Variants in NRXN2 observed in about 807,000 individuals in gnomAD.
NRXN2 encodes neurexin 2.
A neutral mutation model predicts 128.8 loss-of-function variants in NRXN2; 29 were observed. That is an observed-to-expected ratio of 0.23 (90% CI 0.17 to 0.31). The LOEUF is 0.31. Ranked by LOEUF, NRXN2 falls within the 10% of genes least tolerant of loss-of-function variation. NRXN2 has a pLI of 1.00. For synonymous variants in NRXN2, 1,098 were observed against 1,075.2 expected (o/e 1.02, Z -0.41); for missense variants, 1,881 against 2,452.6 (o/e 0.77, Z 4.92).
Position 64,626,545 on chromosome 11 carries a change from A to G in NRXN2, c.3765T>C (p.Phe1255=). Residue 1255 remains phenylalanine (F), a synonymous_variant, in exon 20 of 23, where the codon TTT becomes TTC. Coordinates refer to ENST00000265459, the MANE Select transcript of NRXN2 (RefSeq NM_015080.4). The part of the protein sequence containing the change: ...PVNERYPAGN[F]DNERLAIARQ... ...TAGCAATCGCCAGGCGCTCGTTATC[A>G]AAGTTTCCTTGGAAAAGTTTAGAAA... 3 of 1,614,034 alleles carry G rather than the reference A, an allele frequency of 1.9e-6. No individual in the cohort carries two copies. The highest frequency in any genetic ancestry group is 2.5e-6 in the Non-Finnish European group (3 of 1,179,872).
chr11:64,673,025 C>T (rs1012185240), intron 7 of NRXN2, among the ~76,000 whole-genome samples: 1 of 152,064 alleles, frequency 6.6e-6, no homozygotes, highest in African/African-American at 2.4e-5. Flanking sequence ...CTGTCGCTCC[C>T]ATTTCTTCCA....
chr11:64,704,623 CAGAGAGAGAGAGAGAGAGAG>C (rs61394963), intron 2 of NRXN2, among the ~76,000 whole-genome samples: 78 of 81,206 alleles, frequency 9.6e-4, no homozygotes, highest in Middle Eastern at 8.8e-3. Flanking sequence ...CACACACACA[CAGAGAGAGAGAGAGAGAGAG>C]AGAGAGAGAG....
At position 64,635,392 on chromosome 11, in the gene NRXN2, T is replaced by C. The variant is rs370108057; in HGVS notation, c.3464A>G (p.Asn1155Ser). Residue 1155 changes from asparagine to serine, a missense_variant, in exon 18 of 23, where the codon AAT becomes AGT. Asn to Ser is a conservative substitution (Grantham distance 46). This residue lies in a region of NRXN2 where 390 missense variants were observed against 599.6 expected (regional missense o/e 0.65). Transcript: ENST00000265459. The surrounding 1 kb of genome is among the most constrained non-coding windows in gnomAD (Gnocchi z 4.8). ...ATCCATCCTCGTGCTGGGCCTGTCA[T>C]TGGGGGGCCACGTGTAGGTGATGAG... ...GALITYTWPP[N>S]DRPSTRMDRL... 287 of 1,613,802 alleles carry C rather than the reference T, an allele frequency of 1.8e-4. No individual in the cohort carries two copies. The South Asian group carries it at 2.1e-3, about 12-fold the overall frequency.
intron 7 of NRXN2, among the ~76,000 whole-genome samples, chr11:64,671,979 C>G (rs973397928): frequency 6.6e-6 from 1 of 152,124 alleles, no homozygotes; most frequent in African/African-American, 2.4e-5. Context: ...CACTGAGACA[C>G]AGCAGAGTGT....
chr11:64,653,741 G>A lies in NRXN2; in HGVS notation c.2390-19C>T, dbSNP rs746751192. The A allele has an allele frequency of 6.5e-5, 103 of 1,575,456 alleles. No individual in the cohort carries two copies. In the South Asian group the frequency reaches 6.6e-4, roughly 10 times the overall value. ...AGGCAGTCTGGGGGGGCCATGGGGC[G>A]GGCAGAGGGGAAGGGGAGACAAAAA... On this transcript the variant is annotated intron_variant, in intron 11 of 22. Transcript: ENST00000265459.
chr11:64,614,468 A>G (rs959028400), intron 22 of NRXN2, among the ~76,000 whole-genome samples: 3 of 152,224 alleles, frequency 2.0e-5, no homozygotes, highest in Non-Finnish European at 4.4e-5. Flanking sequence ...CATTGTTCCC[A>G]ACACCCACTT....
Position 64,690,476 on chromosome 11 carries a change from A to G in NRXN2, c.779T>C (p.Val260Ala), listed in dbSNP as rs1339810341. The G allele has an allele frequency of 6.2e-7, 1 of 1,613,120 alleles. No individual in the cohort carries two copies. Among genetic ancestry groups the G allele is most frequent in the Admixed American group, 1.7e-5 (1 of 59,952 alleles). Reference protein sequence around the residue: ...GPAHLTLNSEVGSLLFSEGGA... With the variant: ...GPAHLTLNSEAGSLLFSEGGA... ...CCCCTCGGAGAACAGTAAGGACCCT[A>G]CTGGAGAAGCAGAATTGGGGAGTCA... The change falls in exon 5 of 23, where the codon GTA becomes GCA. Residue 260 changes from valine (V) to alanine (A), a missense_variant and splice_region_variant. Val to Ala is a moderately conservative substitution (Grantham distance 64). Coordinates refer to ENST00000265459, the MANE Select transcript of NRXN2 (RefSeq NM_015080.4).
chr11:64,692,891 G>C lies in NRXN2; in HGVS notation c.749-15C>G. 1.9e-6 allele frequency: 3 copies of C among 1,605,690 alleles called. No individual in the cohort carries two copies. The highest frequency in any genetic ancestry group is 2.6e-6 in the Non-Finnish European group (3 of 1,173,476). On this transcript the variant is annotated splice_polypyrimidine_tract_variant and intron_variant, in intron 3 of 22. Coordinates refer to ENST00000265459, the MANE Select transcript of NRXN2 (RefSeq NM_015080.4). ...GTGAGCCGGACCTTGGAAAGGGGAA[G>C]GAGAGAAAGAAAGAAAGAAAAAAAG...
At chr11:64,677,141 C>G in intron 6 of NRXN2, 104 bp from the exon 7 acceptor site, 2 of 800,540 alleles carry the variant, frequency 2.5e-6, no homozygotes, top group Non-Finnish European at 4.1e-6. Flanking sequence ...AATAAAATGA[C>G]CAACTGTGAA....
intron 22 of NRXN2, among the ~76,000 whole-genome samples, chr11:64,609,283 G>A (rs1335584554): frequency 6.6e-6 from 1 of 151,310 alleles, no homozygotes; most frequent in Non-Finnish European, 1.5e-5. Flanking sequence ...CCCATGGGCC[G>A]CCAGGACCTG....
rs767767623 is a variant in NRXN2 at position 64,631,350 on chromosome 11, G to A, written c.3586-777C>T. On this transcript the variant is annotated intron_variant, in intron 18 of 22. Coordinates refer to ENST00000265459, the MANE Select transcript of NRXN2 (RefSeq NM_015080.4). The surrounding 1 kb of genome is among the most constrained non-coding windows in gnomAD (Gnocchi z 4.8). ...CAGGCAGAGGACAGACAGGGACGGAGGCCTGGAGAAGGGGAGCAAAGAGCC... is the reference window on the plus strand; with the variant it reads ...CAGGCAGAGGACAGACAGGGACGGAAGCCTGGAGAAGGGGAGCAAAGAGCC... Among the ~76,000 whole-genome samples the A allele has an allele frequency of 6.6e-6, 1 of 152,142 alleles. No homozygotes were observed. Among genetic ancestry groups the A allele is most frequent in the Admixed American group, 6.5e-5 (1 of 15,274 alleles).
In NRXN2 at chr11:64,648,135, G is replaced by A. The variant is rs1324644229; in HGVS notation, c.3403+84C>T. 21 of 1,578,726 alleles carry A rather than the reference G, an allele frequency of 1.3e-5. No homozygotes were observed. In the Admixed American group the frequency reaches 3.5e-4, roughly 26 times the overall value. On this transcript the variant is annotated intron_variant, in intron 17 of 22. Coordinates refer to ENST00000265459, the MANE Select transcript of NRXN2 (RefSeq NM_015080.4). The surrounding 1 kb of genome is among the most constrained non-coding windows in gnomAD (Gnocchi z 4.1). ...CAGCACAGCTCCTGAATGCTCAGAG[G>A]CCCTGTTTCCTCCCTGGCAGCCCCT...
chr11:64,616,100 TTG>T (rs1265424278), intron 22 of NRXN2, among the ~76,000 whole-genome samples: 1 of 151,910 alleles, frequency 6.6e-6, no homozygotes, highest in Non-Finnish European at 1.5e-5. Flanking sequence ...GCTGAACAAA[TTG>T]TGTGTGTATG....
intron 22 of NRXN2, 42 bp downstream of exon 22, chr11:64,620,252 C>G (rs768460038): frequency 6.7e-7 from 1 of 1,481,850 alleles, no homozygotes; most frequent in Non-Finnish European, 9.2e-7. Flanking sequence ...CCAGCAGCAT[C>G]GCAGAGGGAC....
In NRXN2 at chr11:64,722,983, G is replaced by GCGCC. The variant is rs2057478331; in HGVS notation, c.-261_-258dup. On this transcript the variant is annotated 5_prime_UTR_variant, in exon 1 of 23. Transcript: ENST00000265459. The stretch of plus-strand genomic sequence containing the variant: ...CCCCCCATTTTACCTGGTTCTCGGG[G>GCGCC]CGCCAGAAGCTGGAGGGTGGGTAGC... The GCGCC allele has an allele frequency of 3.5e-5, 5 of 142,068 alleles. No individual in the cohort carries two copies. In the South Asian group the frequency reaches 7.0e-4, roughly 20 times the overall value. 8.8% of individuals were successfully genotyped at this position (142,068 alleles called of 1,614,324 possible). A position where few individuals can be genotyped will look rare whatever the true frequency, so the allele number is the denominator to read the frequency against.
chr11:64,690,522 A>G, intron 4 of NRXN2, 46 bp from the exon 5 acceptor site: 1 of 1,534,402 alleles, frequency 6.5e-7, no homozygotes, highest in Non-Finnish European at 9.0e-7. Flanking sequence ...GTACCGAGCC[A>G]GTCCCTCCCC....
intron 11 of NRXN2, among the ~76,000 whole-genome samples, chr11:64,658,918 G>A (rs1034338829): frequency 5.9e-5 from 9 of 152,212 alleles, no homozygotes; most frequent in African/African-American, 1.4e-4. Context: ...CCAGCTACTC[G>A]GGAGGCTGAG....
At chr11:64,689,949 A>G (rs183519059) in intron 5 of NRXN2, among the ~76,000 whole-genome samples, 2 of 152,350 alleles carry the variant, frequency 1.3e-5, no homozygotes, top group East Asian at 3.9e-4. Flanking sequence ...AGGCAGCCTC[A>G]GTACAGAAAA....
chr11:64,723,152 G>T lies in NRXN2; in HGVS notation c.-426C>A, dbSNP rs2135703696. 8.5e-6 allele frequency: 1 copy of T among 117,268 alleles called. No individual in the cohort carries two copies. The highest frequency in any genetic ancestry group is 3.3e-5 in the African/African-American group (1 of 30,444). 7.3% of individuals were successfully genotyped at this position (117,268 alleles called of 1,614,324 possible). On this transcript the variant is annotated 5_prime_UTR_variant, in exon 1 of 23. Coordinates refer to ENST00000265459, the MANE Select transcript of NRXN2 (RefSeq NM_015080.4). Reference sequence around the variant, plus strand: ...TGCCTCTCCGAGGAGGATGCTCCGCGAGTCAGGGCGGCTGCTCCCGCCGCC... The same window carrying T: ...TGCCTCTCCGAGGAGGATGCTCCGCTAGTCAGGGCGGCTGCTCCCGCCGCC...
Sources: allele counts gnomAD v4.1 joint callset (sites outside exome capture counted in the v4.1 genomes callset), GRCh38; gene constraint gnomAD v4.1.1; regional missense constraint gnomAD v4.1.1; non-coding constraint Gnocchi (gnomAD v3.1); transcripts MANE v1.5; gene names NCBI Gene and HGNC (gene_info 2026-07-23, HGNC 2026-07-21).